Variants in MGST2 observed in about 807,000 individuals in gnomAD.
The protein encoded by MGST2 is microsomal glutathione S-transferase 2, also known as glutathione peroxidase MGST2.
Under a neutral mutation model 16.6 loss-of-function variants are expected in MGST2, and 9 were observed. That is an observed-to-expected ratio of 0.54 (90% CI 0.33 to 0.95). The LOEUF is 0.95. MGST2 is among the 40% of genes least tolerant of loss of function. The pLI, the probability that MGST2 is intolerant of heterozygous loss-of-function variation, is 0.03. For missense variants in MGST2, 159 were observed against 175.1 expected, an observed-to-expected ratio of 0.91 and a Z score of 0.52; for synonymous variants, 79 against 68.0, an observed-to-expected ratio of 1.16 and a Z score of -0.79.
chr4:139,745,897 A>G, the MGST2 span, among the ~76,000 whole-genome samples: 4 of 152,226 alleles, frequency 2.6e-5, no homozygotes, highest in South Asian at 8.3e-4. Flanking sequence ...GTAACAGGAA[A>G]TGTGACCACA....
At chr4:139,714,774 G>A (rs978684630) in intron 5 of MGST2, among the ~76,000 whole-genome samples, 3 of 150,792 alleles carry the variant, frequency 2.0e-5, no homozygotes, top group Non-Finnish European at 4.4e-5. Context: ...TGATCAGGGA[G>A]GCCAGAGAAA....
chr4:139,742,751 A>G (rs1414437015), downstream of MGST2, among the ~76,000 whole-genome samples: 4 of 152,180 alleles, frequency 2.6e-5, no homozygotes, highest in Non-Finnish European at 5.9e-5. Context: ...AACATTCTTT[A>G]TACGTCTTGT....
At chr4:139,697,098 C>A in intron 3 of MGST2, among the ~76,000 whole-genome samples, 1 of 151,958 alleles carries the variant, frequency 6.6e-6, no homozygotes, top group East Asian at 1.9e-4. Flanking sequence ...TCTTGTTGTC[C>A]AAGCTTTTTT....
intron 1 of MGST2, among the ~76,000 whole-genome samples, chr4:139,670,612 C>T (rs1208581876): frequency 6.6e-6 from 1 of 152,040 alleles, no homozygotes; most frequent in Non-Finnish European, 1.5e-5. Context: ...CAAAGAAATG[C>T]TTACATTAAG....
intron 1 of MGST2, among the ~76,000 whole-genome samples, chr4:139,674,523 T>A (rs1730868658): frequency 6.6e-6 from 1 of 151,960 alleles, no homozygotes; most frequent in Admixed American, 6.6e-5. Context: ...CTCACTTCTG[T>A]AATCCCAGCA....
intron 5 of MGST2, chr4:139,730,574 C>A (rs528267978): frequency 5.6e-6 from 9 of 1,603,462 alleles, no homozygotes; most frequent in Non-Finnish European, 7.7e-6. Context: ...CCGGGGCCTG[C>A]GGGACTGGCT....
intron 2 of MGST2, chr4:139,678,910 A>C (rs1228703362): frequency 1.9e-6 from 1 of 531,934 alleles, no homozygotes; most frequent in African/African-American, 1.9e-5. Context: ...GTGTCTCCCA[A>C]GGAGGGTCAC....
chr4:139,719,354 T>C (rs781681279), intron 5 of MGST2: 14 of 1,604,208 alleles, frequency 8.7e-6, no homozygotes, highest in South Asian at 5.5e-5. Flanking sequence ...ATCAAGCTCC[T>C]GCATCCACTC....
At chr4:139,669,340 T>G (rs1730542442) in intron 1 of MGST2, among the ~76,000 whole-genome samples, 1 of 152,208 alleles carries the variant, frequency 6.6e-6, no homozygotes. Context: ...TTTGCAAGTC[T>G]GATGTTCATG....
At chr4:139,737,242 C>T (rs1021354110) in intron 5 of MGST2, among the ~76,000 whole-genome samples, 1 of 152,116 alleles carries the variant, frequency 6.6e-6, no homozygotes, top group African/African-American at 2.4e-5. Context: ...GAATGTAACA[C>T]TTATGGGGCA....
At chr4:139,666,444 T>C (rs1730357179) in intron 1 of MGST2, among the ~76,000 whole-genome samples, 1 of 152,176 alleles carries the variant, frequency 6.6e-6, no homozygotes, top group African/African-American at 2.4e-5. Flanking sequence ...TAATTACAAG[T>C]GTTCCAAAGG....
At chr4:139,694,035 A>C (rs953324272) in intron 2 of MGST2, among the ~76,000 whole-genome samples, 2 of 152,138 alleles carry the variant, frequency 1.3e-5, no homozygotes, top group African/African-American at 4.8e-5. Context: ...CCCAGCTTTA[A>C]AAGATGATTG....
chr4:139,706,896 G>A (rs1301834304), downstream of MGST2, among the ~76,000 whole-genome samples: 11 of 152,188 alleles, frequency 7.2e-5, no homozygotes, highest in South Asian at 2.1e-4. Flanking sequence ...GTTTCTGATC[G>A]GTTTGACAAT....
intron 5 of MGST2, among the ~76,000 whole-genome samples, chr4:139,721,942 T>C (rs1005954748): frequency 2.0e-5 from 3 of 152,098 alleles, no homozygotes. Flanking sequence ...GTGAAATGGG[T>C]TATTGAGTTG....
chr4:139,727,215 C>T (rs552539499), intron 5 of MGST2, among the ~76,000 whole-genome samples: 5 of 152,312 alleles, frequency 3.3e-5, no homozygotes, highest in South Asian at 4.1e-4. Flanking sequence ...GCCTCTGACT[C>T]GTTGACCCCA....
chr4:139,695,796 C>G (rs8192099), intron 3 of MGST2, among the ~76,000 whole-genome samples: 9,721 of 152,176 alleles, frequency 0.064, 423 homozygotes, highest in East Asian at 0.095. Context: ...GCTAGATACT[C>G]AAGAATGAGA....
chr4:139,720,050 G>C, intron 5 of MGST2: 1 of 1,614,078 alleles, frequency 6.2e-7, no homozygotes, highest in South Asian at 1.1e-5. Flanking sequence ...CGGTCCCTGG[G>C]CTTGGTTATG....
chr4:139,711,339 C>T (rs566245938), intron 5 of MGST2, among the ~76,000 whole-genome samples: 10 of 152,188 alleles, frequency 6.6e-5, no homozygotes, highest in Admixed American at 3.3e-4. Flanking sequence ...CGAGTGAGTG[C>T]TCAGTGCAAA....
chr4:139,681,072 A>G (rs961576719), intron 2 of MGST2, among the ~76,000 whole-genome samples: 1 of 152,108 alleles, frequency 6.6e-6, no homozygotes, highest in African/African-American at 2.4e-5. Flanking sequence ...GCTGAAGTAC[A>G]GTGGCACAAT....
Sources: allele counts gnomAD v4.1 joint callset (sites outside exome capture counted in the v4.1 genomes callset), GRCh38; gene constraint gnomAD v4.1.1; transcripts MANE v1.5; gene names NCBI Gene and HGNC (gene_info 2026-07-23, HGNC 2026-07-21).